Variants in ARHGEF17 observed in about 807,000 individuals in gnomAD.
ARHGEF17 encodes the protein Rho guanine nucleotide exchange factor 17, also known as 164 kDa Rho-specific guanine-nucleotide exchange factor.
In ARHGEF17, 80 loss-of-function variants were observed where a neutral mutation model predicts 174.0. That is an observed-to-expected ratio of 0.46 (90% confidence interval 0.38 to 0.55). The LOEUF is 0.55. Among genes scored for constraint, ARHGEF17 ranks in the 20% least tolerant of loss-of-function variants. The probability of loss-of-function intolerance (pLI) is 0.00; values close to 1 mark genes in which losing one functional copy is unlikely to be tolerated. For missense variants in ARHGEF17, 2,886 were observed against 2,839.7 expected (o/e 1.02, Z -0.37); for synonymous variants, 1,311 against 1,189.1 (o/e 1.10, Z -2.11).
At chr11:73,359,142 T>C (rs1565207599) in intron 9 of ARHGEF17, among the ~76,000 whole-genome samples, 1 of 152,206 alleles carries the variant, frequency 6.6e-6, no homozygotes, top group Non-Finnish European at 1.5e-5. Context: ...TAAATTTATA[T>C]ACACCAATAA....
rs752952431 is a variant in ARHGEF17, at chr11:73,357,262, T to C, written c.4022T>C (p.Ile1341Thr). The change falls in exon 9 of 21, where the codon ATT becomes ACT. Residue 1341 changes from isoleucine (I) to threonine (T), a missense_variant. Ile to Thr is a moderately conservative substitution (Grantham distance 89). Around this residue, in one of 4 missense-constraint regions of ARHGEF17, gnomAD observed 353 missense variants for 470.3 expected, o/e 0.75. Transcript: ENST00000263674. ...CACAGGTACACGGCAGCCAGTGTCATTGACACAGCCAGCAAGTACAAGATG... is the reference window on the plus strand; with the variant it reads ...CACAGGTACACGGCAGCCAGTGTCACTGACACAGCCAGCAAGTACAAGATG... ...SMSLYTAASV[I>T]DTASKYKMLW... 1.9e-6 allele frequency: 3 copies of C among 1,614,052 alleles called. No individual in the cohort carries two copies. The highest frequency in any genetic ancestry group is 2.5e-6 in the Non-Finnish European group (3 of 1,179,966).
chr11:73,313,592 G>C (rs1009691687), intron 1 of ARHGEF17, among the ~76,000 whole-genome samples: 1 of 152,186 alleles, frequency 6.6e-6, no homozygotes, highest in African/African-American at 2.4e-5. Flanking sequence ...AGGCGGGACA[G>C]ATCTGCCATA....
In ARHGEF17 at chr11:73,360,336, T is replaced by C; in HGVS notation, c.4223T>C (p.Leu1408Pro). 1 of 1,613,732 alleles carries C rather than the reference T, an allele frequency of 6.2e-7. No homozygotes were observed. The highest frequency in any genetic ancestry group is 8.5e-7 in the Non-Finnish European group (1 of 1,180,044). Residue 1408 changes from leucine (L) to proline (P), a missense_variant, in exon 11 of 21, where the codon CTG becomes CCG. Around this residue, in one of 4 missense-constraint regions of ARHGEF17, gnomAD observed 476 missense variants for 473.1 expected, o/e 1.01. Transcript: ENST00000263674. Reference sequence around the variant, plus strand: ...TCCCCACAGAGCCTGGACGATGCACTGCGGGACCTCTCAGCTGCCATGCAC... The same window carrying C: ...TCCCCACAGAGCCTGGACGATGCACCGCGGGACCTCTCAGCTGCCATGCAC... ...GFPHQSLDDA[L>P]RDLSAAMHRD...
chr11:73,363,993 G>A (rs1469219876), intron 16 of ARHGEF17, among the ~76,000 whole-genome samples, 160 bp downstream of exon 16: 1 of 152,218 alleles, frequency 6.6e-6, no homozygotes, highest in Non-Finnish European at 1.5e-5. Context: ...TACACACTGT[G>A]TGAGCTCGGG....
intron 1 of ARHGEF17, among the ~76,000 whole-genome samples, chr11:73,338,013 A>G (rs1006584592): frequency 1.3e-4 from 20 of 152,172 alleles, no homozygotes; most frequent in Non-Finnish European, 2.8e-4. Context: ...AGAATTATGG[A>G]GCCCACCCTG....
chr11:73,347,642 G>A (rs543550042), intron 2 of ARHGEF17, among the ~76,000 whole-genome samples: 4 of 152,338 alleles, frequency 2.6e-5, no homozygotes, highest in African/African-American at 4.8e-5. Context: ...TGTCGGAGTC[G>A]GCAGAGGCCA....
At chr11:73,343,729 C>T (rs1486328921) in intron 1 of ARHGEF17, among the ~76,000 whole-genome samples, 1 of 151,864 alleles carries the variant, frequency 6.6e-6, no homozygotes. Context: ...CCCGTTCTCG[C>T]TCAGTGTGTG....
At position 73,362,464 on chromosome 11, in the gene ARHGEF17, G is replaced by C. The variant is rs1194589869; in HGVS notation, c.4726G>C (p.Glu1576Gln). ...TCCTCCGTCGCTGAGGAGTCCTCCA[G>C]AGACGGCACCGGAGCCCGCCGGGCC... ...EPPPSLRSPPETAPEPAGPEL... is the reference protein window; with the variant it reads ...EPPPSLRSPPQTAPEPAGPEL... The change falls in exon 14 of 21, where the codon GAG (glutamate) becomes CAG (glutamine). Residue 1576 changes from glutamate (E) to glutamine (Q), a missense_variant. This residue lies in a region of ARHGEF17 where 476 missense variants were observed against 473.1 expected (regional missense o/e 1.01). Transcript: ENST00000263674. 3.8e-6 allele frequency: 6 copies of C among 1,587,646 alleles called. No individual in the cohort carries two copies. The highest frequency in any genetic ancestry group is 1.7e-6 in the Non-Finnish European group (2 of 1,170,814).
chr11:73,356,297 G>C lies in ARHGEF17; in HGVS notation c.3786G>C (p.Glu1262Asp). The C allele has an allele frequency of 6.2e-7, 1 of 1,613,474 alleles. No individual in the cohort carries two copies. ...GTGTGCGGAGTGCCGAGGAGGCGGA[G>C]CGCCATGCCCGTGTGCTGCAGGAGA... is the stretch of plus-strand genomic sequence containing the variant. ...NKGVRSAEEA[E>D]RHARVLQEIE... Residue 1262 changes from glutamate (E) to aspartate (D), a missense_variant, in exon 6 of 21, where the codon GAG becomes GAC. Transcript: ENST00000263674.
chr11:73,315,645 C>A (rs1361117532), intron 1 of ARHGEF17, among the ~76,000 whole-genome samples: 1 of 152,114 alleles, frequency 6.6e-6, no homozygotes, highest in Non-Finnish European at 1.5e-5. Context: ...TGTCACCCAG[C>A]AGGAGGGGGT....
Position 73,310,932 on chromosome 11 carries a change from C to T in ARHGEF17, c.2294C>T (p.Pro765Leu), listed in dbSNP as rs202100491. The T allele has an allele frequency of 1.0e-4, 168 of 1,613,932 alleles. No homozygotes were observed. Among genetic ancestry groups the T allele is most frequent in the Non-Finnish European group, 1.3e-4 (154 of 1,180,014 alleles). The change falls in exon 1 of 21, where the codon CCC becomes CTC. Residue 765 changes from proline (P) to leucine (L), a missense_variant. Pro to Leu is a moderately conservative substitution (Grantham distance 98). Around this residue, in one of 4 missense-constraint regions of ARHGEF17, gnomAD observed 1,728 missense variants for 1,461.2 expected, o/e 1.18. Transcript: ENST00000263674. ...AGCAACCTCCTGGGCTCACTGAGCC[C>T]CAAGACAGGGCTCCCTGCCACCTCA... ...VDSNLLGSLS[P>L]KTGLPATSAM...
chr11:73,358,453 C>CG (rs1865682135), intron 9 of ARHGEF17, among the ~76,000 whole-genome samples: 1 of 93,296 alleles, frequency 1.1e-5, no homozygotes, highest in East Asian at 2.5e-4. Context: ...AGGTCCGCCT[C>CG]TTTTTTTTTT....
chr11:73,332,487 A>G (rs967644590), intron 1 of ARHGEF17, among the ~76,000 whole-genome samples: 1 of 151,962 alleles, frequency 6.6e-6, no homozygotes, highest in African/African-American at 2.4e-5. Context: ...ATACTTCTCC[A>G]TAGCATTTCA....
chr11:73,350,134 A>G (rs1865529051), intron 2 of ARHGEF17, among the ~76,000 whole-genome samples: 1 of 152,230 alleles, frequency 6.6e-6, no homozygotes, highest in Non-Finnish European at 1.5e-5. Flanking sequence ...AGCATGGTAA[A>G]AAGTTGCATT....
intron 2 of ARHGEF17, among the ~76,000 whole-genome samples, chr11:73,348,684 AAG>A (rs1865503970): frequency 6.6e-6 from 1 of 152,202 alleles, no homozygotes; most frequent in African/African-American, 2.4e-5. Flanking sequence ...ACAGGATAAA[AAG>A]AGTTTTAGAG....
chr11:73,361,176 G>A lies in ARHGEF17; in HGVS notation c.4494+15G>A, dbSNP rs778934965. The A allele has an allele frequency of 6.2e-7, 1 of 1,612,612 alleles. No individual in the cohort carries two copies. Among genetic ancestry groups the A allele is most frequent in the Non-Finnish European group, 8.5e-7 (1 of 1,179,058 alleles). The stretch of plus-strand genomic sequence containing the variant: ...GTGGCATGCAGGTATGTCTGCATCT[G>A]GGTCACTTGGGTACATGTTTTCAAA... On this transcript the variant is annotated intron_variant, in intron 12 of 20. Transcript: ENST00000263674.
rs530925970 is a variant in ARHGEF17, at chr11:73,351,997, T to C, written c.3271-833T>C. ...GGTTCATTCTATAATTGGTAGCATA[T>C]CATAATTTAATTGGCAACCAGTTTT... On this transcript the variant is annotated intron_variant, in intron 2 of 20. Coordinates refer to ENST00000263674, the MANE Select transcript of ARHGEF17 (RefSeq NM_014786.4). 7.9e-5 allele frequency among the ~76,000 whole-genome samples: 12 copies of C among 152,314 alleles called. No homozygotes were observed. The South Asian group carries it at 2.5e-3, about 32-fold the overall frequency.
chr11:73,336,619 T>C (rs1865290586), intron 1 of ARHGEF17, among the ~76,000 whole-genome samples: 1 of 152,252 alleles, frequency 6.6e-6, no homozygotes, highest in Non-Finnish European at 1.5e-5. Context: ...AAATCTAGCC[T>C]GTGCAGAAAT....
intron 3 of ARHGEF17, among the ~76,000 whole-genome samples, chr11:73,353,565 G>A (rs1469715851): frequency 1.3e-5 from 2 of 152,184 alleles, no homozygotes; most frequent in Admixed American, 1.3e-4. Context: ...TGGTTACCCT[G>A]ATTCTAAAGA....
Sources: gnomAD v4.1 joint callset for allele counts (sites outside exome capture counted in the v4.1 genomes callset) on GRCh38, gnomAD v4.1.1 for gene constraint, gnomAD v4.1.1 regional missense constraint, MANE v1.5 for transcripts, NCBI Gene and HGNC (gene_info 2026-07-23, HGNC 2026-07-21) for gene names.